PRKDC: variants seen among roughly 807,000 people sequenced by gnomAD.
PRKDC encodes protein kinase, DNA-activated, catalytic subunit, also known as DNA-dependent protein kinase catalytic subunit.
PRKDC carries 82 observed loss-of-function variants against 486.9 expected under a neutral mutation model. That is an observed-to-expected ratio of 0.17 (90% confidence interval 0.14 to 0.20). PRKDC has a LOEUF of 0.20. Among genes scored for constraint, PRKDC ranks in the 10% least tolerant of loss-of-function variants. The pLI is 1.00. For missense variants in PRKDC, 4,504 were observed against 5,038.2 expected, an observed-to-expected ratio of 0.89 and a Z score of 3.21; for synonymous variants, 1,895 against 1,837.0, an observed-to-expected ratio of 1.03 and a Z score of -0.81.
At position 47,953,906 on chromosome 8, in the gene PRKDC, T is replaced by C. The variant is rs771380606; in HGVS notation, c.522A>G (p.Val174=). ...KKIPDTVLEK[V]YELLGLLGEV... The stretch of plus-strand genomic sequence containing the variant: ...CACCCAATAATCCTAGGAGCTCATA[T>C]ACTTTTTCTAAAACTGAAAAGAAAA... The change falls in exon 6 of 86, where the codon GTA becomes GTG. Residue 174 remains valine, a synonymous_variant. Transcript: ENST00000314191. 4 of 1,531,956 alleles carry C rather than the reference T, an allele frequency of 2.6e-6. No individual in the cohort carries two copies. The Admixed American group carries it at 6.1e-5, about 23-fold the overall frequency. The allele number at this position is 1,531,956 out of a possible 1,614,324, so 94.9% of individuals were successfully genotyped here. A position where few individuals can be genotyped will look rare whatever the true frequency, so the allele number is the denominator to read the frequency against.
At chr8:47,864,487 C>T in intron 41 of PRKDC, 69 bp downstream of exon 41, 2 of 1,381,310 alleles carry the variant, frequency 1.4e-6, no homozygotes, top group Admixed American at 2.0e-5. Context: ...ACTGAGCACA[C>T]AGCAGTGTCT....
chr8:47,808,946 C>A (rs1490061602), intron 68 of PRKDC, among the ~76,000 whole-genome samples: 1 of 151,852 alleles, frequency 6.6e-6, no homozygotes, highest in African/African-American at 2.4e-5. Context: ...ATCGCCTGAG[C>A]TCAGGAATTT....
Position 47,806,181 on chromosome 8 carries a change from C to T in PRKDC, c.9747+956G>A, listed in dbSNP as rs77823062. 3.5e-4 allele frequency among the ~76,000 whole-genome samples: 54 copies of T among 152,340 alleles called. 1 individual carries two copies. In the East Asian group the frequency reaches 9.6e-3, roughly 27 times the overall value. ...GCTTTGCTGACATCTCTCTTCTTTG[C>T]CCACCAGTGCTGTTGTCATCATGTG... On this transcript the variant is annotated intron_variant, in intron 69 of 85. Coordinates refer to ENST00000314191, the MANE Select transcript of PRKDC (RefSeq NM_006904.7).
rs2086557183 is a variant in PRKDC, at chr8:47,773,589, GAA to G, written c.*582_*583del. On this transcript the variant is annotated 3_prime_UTR_variant, in exon 86 of 86. Coordinates refer to ENST00000314191, the MANE Select transcript of PRKDC (RefSeq NM_006904.7). ...AATCTATCATAAAATGTCAAAACTA[GAA>G]GAGAATAAAATGAAAGGAAAAAACC... The G allele has an allele frequency of 4.5e-6, 1 of 220,434 alleles. No homozygotes were observed. Among genetic ancestry groups the G allele is most frequent in the African/African-American group, 2.2e-5 (1 of 44,630 alleles). 13.7% of individuals were successfully genotyped at this position (220,434 alleles called of 1,614,324 possible). A position where few individuals can be genotyped will look rare whatever the true frequency, so the allele number is the denominator to read the frequency against.
chr8:47,802,479 CTTT>C (rs547957995), intron 70 of PRKDC, among the ~76,000 whole-genome samples: 4 of 130,310 alleles, frequency 3.1e-5, no homozygotes, highest in African/African-American at 2.8e-5. Flanking sequence ...GAGGAAATGG[CTTT>C]TTTTTTTTTT....
At position 47,862,422 on chromosome 8, in the gene PRKDC, T is replaced by C; in HGVS notation, c.5870A>G (p.Asn1957Ser). ...AAAACCTTGGTAAAATTTTAACTCA[T>C]TGAAGACACAGCAGATGACAGATAT... Reference protein sequence around the residue: ...CAISVICCVFNELKFYQGFLF... With the variant: ...CAISVICCVFSELKFYQGFLF... The change falls in exon 43 of 86, where the codon AAT (asparagine) becomes AGT (serine). Residue 1957 changes from asparagine (N) to serine (S), a missense_variant. Coordinates refer to ENST00000314191, the MANE Select transcript of PRKDC (RefSeq NM_006904.7). 1 of 1,614,050 alleles carries C rather than the reference T, an allele frequency of 6.2e-7. No homozygotes were observed. Among genetic ancestry groups the C allele is most frequent in the Non-Finnish European group, 8.5e-7 (1 of 1,179,890 alleles).
At position 47,890,489 on chromosome 8, in the gene PRKDC, AAT is replaced by A; in HGVS notation, c.3848-11_3848-10del. 1 of 1,525,324 alleles carries A rather than the reference AAT, an allele frequency of 6.6e-7. No individual in the cohort carries two copies. The highest frequency in any genetic ancestry group is 8.9e-7 in the Non-Finnish European group (1 of 1,125,616). The allele number at this position is 1,525,324 out of a possible 1,614,324, so 94.5% of individuals were successfully genotyped here. On this transcript the variant is annotated splice_polypyrimidine_tract_variant and intron_variant, in intron 31 of 85. Transcript: ENST00000314191. ...AGACTGGGCTTCAGTACCTAGAAGC[AAT>A]TATATTAAAGTATTAATATATGCTT... is the stretch of plus-strand genomic sequence containing the variant.
intron 36 of PRKDC, 100 bp downstream of exon 36, chr8:47,885,844 A>G: frequency 8.7e-7 from 1 of 1,145,744 alleles, no homozygotes; most frequent in Non-Finnish European, 1.3e-6. Context: ...GTCAGCAGAG[A>G]TCGTGCCACT....
At chr8:47,886,203 A>T (rs1285597035) in intron 35 of PRKDC, 56 bp from the exon 36 acceptor site, 1 of 1,412,462 alleles carries the variant, frequency 7.1e-7, no homozygotes, top group African/African-American at 1.4e-5. Flanking sequence ...CATGGCACAG[A>T]AAGACCCTTG....
intron 59 of PRKDC, among the ~76,000 whole-genome samples, chr8:47,832,689 A>G (rs753253455): frequency 2.6e-5 from 4 of 152,220 alleles, no homozygotes; most frequent in Non-Finnish European, 5.9e-5. Context: ...ATATCTAAGC[A>G]CTAGGACTCC....
At chr8:47,948,074 C>G (rs970544708) in intron 7 of PRKDC, among the ~76,000 whole-genome samples, 1 of 151,132 alleles carries the variant, frequency 6.6e-6, no homozygotes, top group African/African-American at 2.4e-5. Context: ...CAAAGTGAGA[C>G]CCTGTCTCAA....
rs779992395 is a variant in PRKDC at position 47,888,607 on chromosome 8, G to C, written c.4324C>G (p.Gln1442Glu). The C allele has an allele frequency of 1.3e-6, 2 of 1,593,144 alleles. No individual in the cohort carries two copies. Among genetic ancestry groups the C allele is most frequent in the African/African-American group, 2.7e-5 (2 of 74,526 alleles). Reference protein sequence around the residue: ...CAVNLYGPDAQVDRSRLAAVV... With the variant: ...CAVNLYGPDAEVDRSRLAAVV... The stretch of plus-strand genomic sequence containing the variant: ...GCAGCCAGCCTGCTCCTGTCCACTT[G>C]CGCGTCAGGGCCATACAAGTTGACG... The change falls in exon 34 of 86, where the codon CAA (glutamine) becomes GAA (glutamate). Residue 1442 changes from glutamine to glutamate, a missense_variant. Gln to Glu is a conservative substitution (Grantham distance 29, BLOSUM62 2). This residue lies in a region of PRKDC where 1,969 missense variants were observed against 2,068.9 expected (regional missense o/e 0.95). Transcript: ENST00000314191.
At chr8:47,881,567 C>G in intron 37 of PRKDC, 47 bp from the exon 38 acceptor site, 1 of 977,566 alleles carries the variant, frequency 1.0e-6, no homozygotes. Context: ...TATTACATCT[C>G]TATTTCCTTT....
At chr8:47,803,505 G>A in intron 69 of PRKDC, 25 bp from the exon 70 acceptor site, 3 of 1,610,794 alleles carry the variant, frequency 1.9e-6, no homozygotes, top group Non-Finnish European at 2.5e-6. Flanking sequence ...TAAAAAGAGA[G>A]AAGGTGGTAT....
intron 7 of PRKDC, among the ~76,000 whole-genome samples, chr8:47,951,081 G>A (rs747128611): frequency 2.3e-4 from 35 of 152,070 alleles, no homozygotes; most frequent in Non-Finnish European, 4.3e-4. Context: ...CAAAAAATGA[G>A]AGAAGGGCCA....
At chr8:47,808,891 G>C (rs1365101253) in intron 68 of PRKDC, among the ~76,000 whole-genome samples, 1 of 151,834 alleles carries the variant, frequency 6.6e-6, no homozygotes, top group Non-Finnish European at 1.5e-5. Context: ...GTAAAAATTA[G>C]CTGGGCATGG....
rs868472854 is a variant in PRKDC, at chr8:47,935,864, C to T, written c.1315G>A (p.Val439Met). The T allele has an allele frequency of 4.3e-6, 7 of 1,613,814 alleles. No homozygotes were observed. Among genetic ancestry groups the T allele is most frequent in the South Asian group, 1.1e-5 (1 of 91,080 alleles). ...GGGAAACTGTCTATCTGCATCACCA[C>T]GAGGTGCTCCAGAACTGGAGTATAC... ...EVYTPVLEHLVVMQIDSFPQY... is the reference protein window; with the variant it reads ...EVYTPVLEHLMVMQIDSFPQY... Residue 439 changes from valine (V) to methionine (M), a missense_variant, in exon 13 of 86, where the codon GTG (valine) becomes ATG (methionine). Transcript: ENST00000314191.
In PRKDC at chr8:47,834,330, G is replaced by A; in HGVS notation, c.8018C>T (p.Pro2673Leu). 2 of 1,613,966 alleles carry A rather than the reference G, an allele frequency of 1.2e-6. No homozygotes were observed. Among genetic ancestry groups the A allele is most frequent in the South Asian group, 2.2e-5 (2 of 91,082 alleles). The change falls in exon 59 of 86, where the codon CCC (proline) becomes CTC (leucine). Residue 2673 changes from proline (P) to leucine (L), a missense_variant. Transcript: ENST00000314191. Reference protein sequence around the residue: ...STDPLVDHTSPSSDSLLFAHK... With the variant: ...STDPLVDHTSLSSDSLLFAHK... The stretch of plus-strand genomic sequence containing the variant: ...GGCAAACAGCAAGGAGTCAGATGAG[G>A]GACTGGTGTGGTCGACCAGCGGGTC...
chr8:47,950,522 G>A (rs534560787), intron 7 of PRKDC, among the ~76,000 whole-genome samples: 4 of 151,730 alleles, frequency 2.6e-5, no homozygotes, highest in South Asian at 2.1e-4. Context: ...CCAGCTACTC[G>A]GGAGGCTTAG....
Sources: allele counts gnomAD v4.1 joint callset (sites outside exome capture counted in the v4.1 genomes callset), GRCh38; gene constraint gnomAD v4.1.1; regional missense constraint gnomAD v4.1.1; transcripts MANE v1.5; gene names NCBI Gene and HGNC (gene_info 2026-07-23, HGNC 2026-07-21).